Variants in MSI2 observed in about 807,000 individuals in gnomAD.
MSI2 encodes RNA-binding protein Musashi homolog 2.
In MSI2, 17 loss-of-function variants were observed where a neutral mutation model predicts 45.6. That is an observed-to-expected ratio of 0.37 (90% CI 0.26 to 0.56). MSI2 has a LOEUF of 0.56. Ranked by LOEUF, MSI2 falls within the 20% of genes least tolerant of loss-of-function variation. The pLI is 0.77. For missense variants in MSI2, 293 were observed against 444.2 expected (o/e 0.66, Z 3.06); for synonymous variants, 156 against 158.2 (o/e 0.99, Z 0.11).
intron 7 of MSI2, among the ~76,000 whole-genome samples, chr17:57,583,488 C>CTTTTTTTTTTTTTTTTTTTTTT (rs5821192): frequency 3.1e-5 from 3 of 98,022 alleles, no homozygotes; most frequent in African/African-American, 3.9e-5. Flanking sequence ...CCCAATGTTT[C>CTTTTTTTTTTTTTTTTTTTTTT]TTTTTTTTTT....
intron 5 of MSI2, among the ~76,000 whole-genome samples, chr17:57,291,559 A>T (rs755248406): frequency 6.2e-4 from 94 of 152,322 alleles, no homozygotes; most frequent in Non-Finnish European, 1.1e-3. Context: ...GGGTCTTAAT[A>T]AGGCTTATTG....
downstream of MSI2, among the ~76,000 whole-genome samples, chr17:57,687,480 T>C (rs1420474990): frequency 6.6e-6 from 1 of 151,984 alleles, no homozygotes; most frequent in East Asian, 1.9e-4. Flanking sequence ...GAATGAATAT[T>C]GGCAACAAAC....
intron 6 of MSI2, among the ~76,000 whole-genome samples, chr17:57,426,756 A>G (rs977538233): frequency 1.3e-5 from 2 of 152,210 alleles, no homozygotes; most frequent in East Asian, 1.9e-4. Context: ...TCCTGTTGTT[A>G]CCTTTTACAT....
the MSI2 span, among the ~76,000 whole-genome samples, chr17:57,693,510 A>G: frequency 3.9e-5 from 6 of 152,336 alleles, no homozygotes; most frequent in Middle Eastern, 3.4e-3. Flanking sequence ...TCAGCTAGTT[A>G]AAAGTATTTG....
intron 11 of MSI2, among the ~76,000 whole-genome samples, chr17:57,657,993 C>G (rs1911729253): frequency 6.6e-6 from 1 of 152,200 alleles, no homozygotes; most frequent in Non-Finnish European, 1.5e-5. Context: ...TCAGAATGAC[C>G]ACTGTCAGCT....
intron 7 of MSI2, among the ~76,000 whole-genome samples, chr17:57,572,623 T>C (rs554291785): frequency 5.3e-5 from 8 of 152,288 alleles, no homozygotes; most frequent in African/African-American, 1.9e-4. Flanking sequence ...AAACCAATAT[T>C]GATTGAATCG....
At position 57,314,564 on chromosome 17, in the gene MSI2, ATTTTTTTTTT is replaced by A. The variant is rs56937102; in HGVS notation, c.312+52389_312+52398del. Reference sequence around the variant, plus strand: ...ACCACCTGTTCAGTCAGGCACCTGGATTTTTTTTTTTTTTTTTTTTTTTTTTGAGATGGAG... The same window carrying A: ...ACCACCTGTTCAGTCAGGCACCTGGATTTTTTTTTTTTTTTTGAGATGGAG... On this transcript the variant is annotated intron_variant, in intron 5 of 13. Coordinates refer to ENST00000284073, the MANE Select transcript of MSI2 (RefSeq NM_138962.4). Among the ~76,000 whole-genome samples, 4 of 61,638 alleles carry A rather than the reference ATTTTTTTTTT, an allele frequency of 6.5e-5. No homozygotes were observed. In the Admixed American group the frequency reaches 8.2e-4, roughly 13 times the overall value. The allele number at this position is 61,638 out of a possible 152,430, so 40.4% of individuals were successfully genotyped here.
At chr17:57,408,248 C>T (rs1301907182) in intron 6 of MSI2, among the ~76,000 whole-genome samples, 1 of 152,156 alleles carries the variant, frequency 6.6e-6, no homozygotes, top group African/African-American at 2.4e-5. Flanking sequence ...TCCCATTTCC[C>T]TCTTAGTATA....
Position 57,529,603 on chromosome 17 carries a change from C to A in MSI2, c.406-73C>A. The A allele has an allele frequency of 1.4e-6, 2 of 1,404,714 alleles. No individual in the cohort carries two copies. Among genetic ancestry groups the A allele is most frequent in the Non-Finnish European group, 2.0e-6 (2 of 995,604 alleles). The allele number at this position is 1,404,714 out of a possible 1,614,324, so 87.0% of individuals were successfully genotyped here. On this transcript the variant is annotated intron_variant, in intron 6 of 13. Transcript: ENST00000284073. This position sits in a 1 kb window ranked among gnomAD's most constrained non-coding sequence, Gnocchi z 5.3. ...TAATGGAAACTACCCCCTCACCCCC[C>A]GACATGCATATAATGTTTTGTGTAC...
chr17:57,563,504 G>T (rs1225785504), intron 7 of MSI2, among the ~76,000 whole-genome samples: 3 of 152,160 alleles, frequency 2.0e-5, no homozygotes, highest in African/African-American at 4.8e-5. Context: ...CTAGAACCAA[G>T]CTGGGAAGCG....
At chr17:57,357,245 G>A (rs1211222164) in intron 5 of MSI2, among the ~76,000 whole-genome samples, 4 of 152,246 alleles carry the variant, frequency 2.6e-5, no homozygotes, top group Middle Eastern at 3.4e-3. Flanking sequence ...AGACCCAGGC[G>A]GCTGCAGCTC....
At chr17:57,262,392 C>T (rs1318999296) in intron 5 of MSI2, 200 bp downstream of exon 5, 2 of 495,552 alleles carry the variant, frequency 4.0e-6, no homozygotes, top group Non-Finnish European at 7.1e-6. Context: ...TTCTGAACAT[C>T]CACCTGGGGG....
chr17:57,526,411 C>CAGAG (rs112969544), intron 6 of MSI2, among the ~76,000 whole-genome samples: 2 of 81,896 alleles, frequency 2.4e-5, no homozygotes, highest in African/African-American at 4.1e-5. Flanking sequence ...GTGTGTGTGA[C>CAGAG]AGAGAGAGAG....
intron 11 of MSI2, among the ~76,000 whole-genome samples, chr17:57,665,354 A>G (rs2144724032): frequency 6.6e-6 from 1 of 152,330 alleles, no homozygotes; most frequent in East Asian, 1.9e-4. Context: ...CCTTTTGGTA[A>G]GGTCGGAGTT....
At chr17:57,589,650 C>G (rs1324468052) in intron 7 of MSI2, among the ~76,000 whole-genome samples, 1 of 152,356 alleles carries the variant, frequency 6.6e-6, no homozygotes, top group African/African-American at 2.4e-5. Context: ...AGGCCGGTCC[C>G]TCTCATGCTC....
At chr17:57,275,695 CAG>C (rs1567730153) in intron 5 of MSI2, among the ~76,000 whole-genome samples, 1 of 151,970 alleles carries the variant, frequency 6.6e-6, no homozygotes, top group Admixed American at 6.6e-5. Context: ...GGATCCTGGA[CAG>C]GGGATGGAGT....
intron 5 of MSI2, among the ~76,000 whole-genome samples, chr17:57,393,486 C>G (rs1382824467): frequency 6.6e-6 from 1 of 152,066 alleles, no homozygotes; most frequent in African/African-American, 2.4e-5. Flanking sequence ...GAATAATATT[C>G]TATTTATGGA....
intron 11 of MSI2, among the ~76,000 whole-genome samples, chr17:57,655,711 C>G (rs981151060): frequency 1.3e-5 from 2 of 152,130 alleles, no homozygotes; most frequent in Non-Finnish European, 2.9e-5. Context: ...CACACCTCCT[C>G]TCAAACACTC....
intron 6 of MSI2, among the ~76,000 whole-genome samples, chr17:57,506,876 G>T (rs2086240881): frequency 6.6e-6 from 1 of 152,142 alleles, no homozygotes; most frequent in African/African-American, 2.4e-5. Flanking sequence ...CTGACAGCTA[G>T]GAAATGCCTG....
Sources: gnomAD v4.1 joint callset for allele counts (sites outside exome capture counted in the v4.1 genomes callset) on GRCh38, gnomAD v4.1.1 for gene constraint, Gnocchi (gnomAD v3.1) non-coding constraint, MANE v1.5 for transcripts, NCBI Gene and HGNC (gene_info 2026-07-23, HGNC 2026-07-21) for gene names.